TMEM168: variants seen among roughly 807,000 people sequenced by gnomAD.
TMEM168 encodes the protein transmembrane protein 168.
A neutral mutation model predicts 53.2 loss-of-function variants in TMEM168; 40 were observed. The observed-to-expected ratio is 0.75, with a 90% CI of 0.58 to 0.98. TMEM168 has a LOEUF of 0.98. Ranked by LOEUF, TMEM168 falls within the 50% of genes least tolerant of loss-of-function variation. The pLI is 0.00. For synonymous variants in TMEM168, 282 were observed against 293.0 expected (o/e 0.96, Z 0.38); for missense variants, 771 against 828.8 (o/e 0.93, Z 0.86).
Position 112,763,855 on chromosome 7 carries a change from T to C in TMEM168, c.*3342A>G, listed in dbSNP as rs554287765. ...TATAAGTGCATTTTAATTAAGACTT[T>C]AATTTTTTTAAAGCATAACTGGTCA... On this transcript the variant is annotated 3_prime_UTR_variant, in exon 5 of 5. Coordinates refer to ENST00000312814, the MANE Select transcript of TMEM168 (RefSeq NM_022484.6). 30 of 150,630 alleles carry C rather than the reference T, an allele frequency of 2.0e-4. No individual in the cohort carries two copies. The highest frequency in any genetic ancestry group is 7.2e-4 in the African/African-American group (29 of 40,078). 9.3% of individuals were successfully genotyped at this position (150,630 alleles called of 1,614,324 possible). A position where few individuals can be genotyped will look rare whatever the true frequency, so the allele number is the denominator to read the frequency against.
Position 112,773,120 on chromosome 7 carries a change from T to G in TMEM168, c.1272-65A>C. 3.4e-6 allele frequency: 5 copies of G among 1,477,570 alleles called. No individual in the cohort carries two copies. In the Admixed American group the frequency reaches 1.1e-4, roughly 33 times the overall value. The allele number at this position is 1,477,570 out of a possible 1,614,324, so 91.5% of individuals were successfully genotyped here. On this transcript the variant is annotated intron_variant, in intron 3 of 4. Transcript: ENST00000312814. The stretch of plus-strand genomic sequence containing the variant: ...CACATTCTCATCTGTCATTTGTAAC[T>G]GATTATCTAAGAATCAGTTATAATA...
chr7:112,780,773 A>G (rs1329160682), intron 2 of TMEM168, among the ~76,000 whole-genome samples: 1 of 152,142 alleles, frequency 6.6e-6, no homozygotes, highest in Non-Finnish European at 1.5e-5. Flanking sequence ...GATTTTACGA[A>G]TATGACATTC....
At position 112,766,010 on chromosome 7, in the gene TMEM168, C is replaced by CTTGT. The variant is rs1022946711; in HGVS notation, c.*1183_*1186dup. ...TACCCCAATTTAATTCTATTCCCTT[C>CTTGT]TTGTTTGTTATTTCTCATAGATGAA... On this transcript the variant is annotated 3_prime_UTR_variant, in exon 5 of 5. Transcript: ENST00000312814. The CTTGT allele has an allele frequency of 3.9e-5, 6 of 152,588 alleles. No homozygotes were observed. Among genetic ancestry groups the CTTGT allele is most frequent in the South Asian group, 2.1e-4 (1 of 4,814 alleles). The allele number at this position is 152,588 out of a possible 1,614,324, so 9.5% of individuals were successfully genotyped here. A position where few individuals can be genotyped will look rare whatever the true frequency, so the allele number is the denominator to read the frequency against.
chr7:112,787,383 G>A (rs1360199358), intron 1 of TMEM168, among the ~76,000 whole-genome samples: 1 of 151,610 alleles, frequency 6.6e-6, no homozygotes, highest in East Asian at 1.9e-4. Context: ...TCTTTTTTGG[G>A]GGGAGGGGGA....
intron 4 of TMEM168, among the ~76,000 whole-genome samples, chr7:112,772,019 T>G (rs755021220): frequency 3.3e-5 from 5 of 152,148 alleles, no homozygotes; most frequent in Admixed American, 6.5e-5. Context: ...AAGTAACAGT[T>G]GATAAAACAA....
chr7:112,789,419 T>C (rs1347422408), intron 1 of TMEM168, among the ~76,000 whole-genome samples: 3 of 152,166 alleles, frequency 2.0e-5, no homozygotes, highest in Non-Finnish European at 4.4e-5. Flanking sequence ...TAAAGACTAA[T>C]AAAGAAATAA....
At chr7:112,768,230 A>G (rs1372886397) in intron 4 of TMEM168, among the ~76,000 whole-genome samples, 1 of 152,246 alleles carries the variant, frequency 6.6e-6, no homozygotes, top group Non-Finnish European at 1.5e-5. Context: ...TTTGTTTCAT[A>G]TAATTATTTT....
chr7:112,790,299 C>G lies in TMEM168; in HGVS notation c.-268G>C, dbSNP rs1331512755. On this transcript the variant is annotated 5_prime_UTR_variant, in exon 1 of 5. Coordinates refer to ENST00000312814, the MANE Select transcript of TMEM168 (RefSeq NM_022484.6). ...CGGCACGCCTTGGGGAACGAGGGCC[C>G]GAGGCCATACGCGCTAATACAGGCC... 1.3e-5 allele frequency: 2 copies of G among 152,430 alleles called. No individual in the cohort carries two copies. The highest frequency in any genetic ancestry group is 2.9e-5 in the Non-Finnish European group (2 of 68,184). The allele number at this position is 152,430 out of a possible 1,614,324, so 9.4% of individuals were successfully genotyped here.
At chr7:112,781,756 C>T (rs1479667173) in intron 2 of TMEM168, among the ~76,000 whole-genome samples, 1 of 149,572 alleles carries the variant, frequency 6.7e-6, no homozygotes, top group Non-Finnish European at 1.5e-5. Flanking sequence ...CAAAATGGAT[C>T]ATACACCTAA....
chr7:112,788,909 T>C (rs1346814817), intron 1 of TMEM168, among the ~76,000 whole-genome samples: 1 of 152,208 alleles, frequency 6.6e-6, no homozygotes, highest in Non-Finnish European at 1.5e-5. Context: ...AAGTGTACTT[T>C]TTAAAACCAA....
At chr7:112,771,722 T>C (rs985430054) in intron 4 of TMEM168, among the ~76,000 whole-genome samples, 4 of 152,158 alleles carry the variant, frequency 2.6e-5, no homozygotes, top group African/African-American at 9.7e-5. Context: ...TCTGGAGTTC[T>C]TATATTGGCA....
chr7:112,772,401 T>G (rs1405955026), intron 4 of TMEM168, among the ~76,000 whole-genome samples: 1 of 152,154 alleles, frequency 6.6e-6, no homozygotes, highest in Non-Finnish European at 1.5e-5. Flanking sequence ...TTGGTGAGCT[T>G]TATAACATAA....
At chr7:112,785,080 G>A in intron 1 of TMEM168, 127 bp from the exon 2 acceptor site, 1 of 298,256 alleles carries the variant, frequency 3.4e-6, no homozygotes, top group Non-Finnish European at 6.1e-6. Flanking sequence ...AACCTGATTT[G>A]CAATATCTTA....
chr7:112,762,598 G>A lies in TMEM168; in HGVS notation c.*4599C>T, dbSNP rs1217821103. 1 of 151,914 alleles carries A rather than the reference G, an allele frequency of 6.6e-6. No individual in the cohort carries two copies. Among genetic ancestry groups the A allele is most frequent in the African/African-American group, 2.4e-5 (1 of 41,402 alleles). The allele number at this position is 151,914 out of a possible 1,614,324, so 9.4% of individuals were successfully genotyped here. A position where few individuals can be genotyped will look rare whatever the true frequency, so the allele number is the denominator to read the frequency against. On this transcript the variant is annotated 3_prime_UTR_variant, in exon 5 of 5. Transcript: ENST00000312814. ...AACTGTCTACTTCTAACTATTTTAA[G>A]TTCAAACTTATAAAATATTATGAGG...
intron 3 of TMEM168, among the ~76,000 whole-genome samples, chr7:112,774,827 C>T (rs576658282): frequency 2.9e-4 from 44 of 152,098 alleles, no homozygotes; most frequent in Non-Finnish European, 4.7e-4. Flanking sequence ...GTGATCCGCC[C>T]GCCTCGGCCT....
chr7:112,778,773 G>A (rs1010889200), intron 2 of TMEM168: 17 of 152,264 alleles, frequency 1.1e-4, no homozygotes, highest in African/African-American at 3.6e-4. Context: ...CAACATTGAT[G>A]ATGATATTTG....
chr7:112,781,215 C>A (rs1379956046), intron 2 of TMEM168, among the ~76,000 whole-genome samples: 1 of 151,412 alleles, frequency 6.6e-6, no homozygotes, highest in East Asian at 1.9e-4. Context: ...CAGAATTAGA[C>A]AGAAAATTAA....
rs758767818 is a variant in TMEM168 at position 112,784,441 on chromosome 7, T to C, written c.385A>G (p.Thr129Ala). 2.5e-6 allele frequency: 4 copies of C among 1,614,058 alleles called. No homozygotes were observed. The Admixed American group carries it at 6.7e-5, about 27-fold the overall frequency. The change falls in exon 2 of 5, where the codon ACA becomes GCA. Residue 129 changes from threonine (T) to alanine (A), a missense_variant. Thr to Ala is a moderately conservative substitution (Grantham distance 58). Transcript: ENST00000312814. ...KEESTKYLLL[T>A]SIVLRILCSL... The stretch of plus-strand genomic sequence containing the variant: ...CACAATATCCTTAACACTATGGATG[T>C]TAGAAGCAAATATTTGGTTGATTCT...
Position 112,767,530 on chromosome 7 carries a change from G to T in TMEM168, c.1761C>A (p.Asp587Glu), listed in dbSNP as rs144928255. Reference sequence around the variant, plus strand: ...TATATTCTACCCAGTCTTTTGTAAAGTCACCTAGCTGTGGCGGGTCAGCTT... The same window carrying T: ...TATATTCTACCCAGTCTTTTGTAAATTCACCTAGCTGTGGCGGGTCAGCTT... ...IEEADPPQLG[D>E]FTKDWVEYNC... Residue 587 changes from aspartate (D) to glutamate (E), a missense_variant, in exon 5 of 5, where the codon GAC (aspartate) becomes GAA (glutamate). By Grantham distance (45) the Asp-to-Glu change is conservative. Coordinates refer to ENST00000312814, the MANE Select transcript of TMEM168 (RefSeq NM_022484.6). 5.5e-5 allele frequency: 88 copies of T among 1,614,010 alleles called. No homozygotes were observed. Among genetic ancestry groups the T allele is most frequent in the Non-Finnish European group, 7.1e-5 (84 of 1,180,028 alleles).
Sources: allele counts gnomAD v4.1 joint callset (sites outside exome capture counted in the v4.1 genomes callset), GRCh38; gene constraint gnomAD v4.1.1; transcripts MANE v1.5; gene names NCBI Gene and HGNC (gene_info 2026-07-23, HGNC 2026-07-21).